The following ZNRF3 variants were observed in gnomAD, a reference collection of about 807,000 sequenced individuals.
ZNRF3 encodes zinc and ring finger 3, also known as E3 ubiquitin-protein ligase ZNRF3.
ZNRF3 carries 23 observed loss-of-function variants against 72.5 expected under a neutral mutation model. That is an observed-to-expected ratio of 0.32 (90% CI 0.23 to 0.45). ZNRF3 has a LOEUF of 0.45. ZNRF3 is among the 20% of genes least tolerant of loss of function. The pLI is 1.00. For synonymous variants in ZNRF3, 610 were observed against 545.3 expected, an observed-to-expected ratio of 1.12 and a Z score of -1.65; for missense variants, 1,169 against 1,272.1, an observed-to-expected ratio of 0.92 and a Z score of 1.23.
intron 1 of ZNRF3, among the ~76,000 whole-genome samples, chr22:28,899,220 C>T (rs896564872): frequency 3.3e-5 from 5 of 152,002 alleles, no homozygotes; most frequent in Admixed American, 2.6e-4. Flanking sequence ...TTAAATGTGC[C>T]GGGTGGGTGA....
intron 2 of ZNRF3, 106 bp from the exon 3 acceptor site, chr22:29,042,389 G>A (rs2123881014): frequency 1.2e-6 from 1 of 835,872 alleles, no homozygotes; most frequent in Non-Finnish European, 1.9e-6. Flanking sequence ...CACCTAAGTT[G>A]GTAACTGTCA....
chr22:28,992,996 G>A (rs2035984482), intron 2 of ZNRF3: 1 of 152,246 alleles, frequency 6.6e-6, no homozygotes, highest in African/African-American at 2.4e-5. Context: ...GAAGAAAAGG[G>A]AGCAAGATGT....
At chr22:28,985,447 C>G (rs2035840401) in intron 1 of ZNRF3, among the ~76,000 whole-genome samples, 1 of 152,240 alleles carries the variant, frequency 6.6e-6, no homozygotes, top group South Asian at 2.1e-4. Context: ...CGAGGCTCAG[C>G]AGCTGCGCAA....
intron 1 of ZNRF3, among the ~76,000 whole-genome samples, chr22:28,941,746 A>G (rs1045923090): frequency 1.3e-5 from 2 of 152,106 alleles, no homozygotes; most frequent in African/African-American, 4.8e-5. Flanking sequence ...GCCTGTCTCT[A>G]CTAAAAATAC....
chr22:28,942,609 C>A lies in ZNRF3; in HGVS notation c.301-44467C>A, dbSNP rs137883552. Among the ~76,000 whole-genome samples, 86 of 152,298 alleles carry A rather than the reference C, an allele frequency of 5.6e-4. No homozygotes were observed. The South Asian group carries it at 0.016, about 29-fold the overall frequency. ...GAGAGAGTGGAATTTGATTCTCTAGCGGTCTCTTACCCTGGAATCCTGTAT... is the reference window on the plus strand; with the variant it reads ...GAGAGAGTGGAATTTGATTCTCTAGAGGTCTCTTACCCTGGAATCCTGTAT... On this transcript the variant is annotated intron_variant, in intron 1 of 8. Coordinates refer to ENST00000544604, the MANE Select transcript of ZNRF3 (RefSeq NM_001206998.2).
chr22:28,897,909 G>A (rs1225842824), intron 1 of ZNRF3, among the ~76,000 whole-genome samples: 1 of 152,126 alleles, frequency 6.6e-6, no homozygotes, highest in Non-Finnish European at 1.5e-5. Flanking sequence ...GATGTGAAAG[G>A]GGTGTTAATG....
intron 2 of ZNRF3, among the ~76,000 whole-genome samples, chr22:28,991,186 G>A (rs906430544): frequency 1.3e-5 from 2 of 149,036 alleles, no homozygotes; most frequent in African/African-American, 5.0e-5. Context: ...GGAGGCTGAG[G>A]TGGGAGGATT....
At chr22:28,905,693 T>TG (rs1235740175) in intron 1 of ZNRF3, among the ~76,000 whole-genome samples, 2 of 152,214 alleles carry the variant, frequency 1.3e-5, no homozygotes, top group Admixed American at 6.5e-5. Context: ...GAAGATATCA[T>TG]GGCTTCTTCC....
intron 3 of ZNRF3, among the ~76,000 whole-genome samples, chr22:29,043,000 C>T (rs533777903): frequency 6.6e-6 from 1 of 152,024 alleles, no homozygotes; most frequent in Admixed American, 6.5e-5. Context: ...GTCTTGAACT[C>T]TTGACCTTGT....
chr22:28,953,837 C>T (rs1439819864), intron 1 of ZNRF3, among the ~76,000 whole-genome samples: 1 of 152,150 alleles, frequency 6.6e-6, no homozygotes, highest in Admixed American at 6.5e-5. Flanking sequence ...GGCCATGTAG[C>T]ATTGTGCTTC....
intron 8 of ZNRF3, among the ~76,000 whole-genome samples, chr22:29,051,645 G>A (rs1439833953): frequency 1.3e-5 from 2 of 148,780 alleles, no homozygotes; most frequent in Admixed American, 1.3e-4. Context: ...AGTGGCTCAT[G>A]CCTGTAATCC....
rs145517782 is a variant in ZNRF3, at chr22:28,959,425, A to C, written c.301-27651A>C. 1.6e-3 allele frequency among the ~76,000 whole-genome samples: 245 copies of C among 152,362 alleles called. 1 individual carries two copies. The highest frequency in any genetic ancestry group is 6.8e-3 in the Middle Eastern group (2 of 294). On this transcript the variant is annotated intron_variant, in intron 1 of 8. Transcript: ENST00000544604. Reference sequence around the variant, plus strand: ...ACCTCTTTCAAATAAGATTATGCCCATCTGTGGCTTAAGAAGTTACTCATT... The same window carrying C: ...ACCTCTTTCAAATAAGATTATGCCCCTCTGTGGCTTAAGAAGTTACTCATT...
rs759184314 is a variant in ZNRF3 at position 29,046,795 on chromosome 22, G to T, written c.824G>T (p.Arg275Leu). Residue 275 changes from arginine (R) to leucine (L), a missense_variant, in exon 6 of 9, where the codon CGG (arginine) becomes CTG (leucine). Arg to Leu is a moderately radical substitution (Grantham distance 102). This residue lies in a region of ZNRF3 where 386 missense variants were observed against 540.7 expected (regional missense o/e 0.71). Coordinates refer to ENST00000544604, the MANE Select transcript of ZNRF3 (RefSeq NM_001206998.2). ...RKFNSKSKGR[R>L]EGSCGALDTL... The stretch of plus-strand genomic sequence containing the variant: ...TTCAACTCCAAGAGCAAGGGGCGCC[G>T]GGAGGGGAGCTGTGGGGCCCTGGAC... The T allele has an allele frequency of 6.2e-7, 1 of 1,611,910 alleles. No homozygotes were observed. Among genetic ancestry groups the T allele is most frequent in the African/African-American group, 1.3e-5 (1 of 74,914 alleles).
intron 1 of ZNRF3, among the ~76,000 whole-genome samples, chr22:28,966,406 T>C (rs1484561964): frequency 1.3e-5 from 2 of 152,192 alleles, no homozygotes; most frequent in Non-Finnish European, 2.9e-5. Flanking sequence ...CTTCTACTTA[T>C]TAAAAAAGAA....
At chr22:28,967,079 A>T (rs546298002) in intron 1 of ZNRF3, among the ~76,000 whole-genome samples, 25 of 152,192 alleles carry the variant, frequency 1.6e-4, no homozygotes, top group South Asian at 4.2e-4. Flanking sequence ...ACGGGGTTTC[A>T]CCATGTTGGC....
At chr22:28,987,230 G>A (rs2035870682) in intron 2 of ZNRF3, 29 bp downstream of exon 2, 2 of 1,591,348 alleles carry the variant, frequency 1.3e-6, no homozygotes, top group Non-Finnish European at 1.7e-6. Context: ...GAATCACTGT[G>A]TTTCTGGTTG....
intron 1 of ZNRF3, among the ~76,000 whole-genome samples, chr22:28,884,474 C>T (rs200658485): frequency 5.3e-5 from 8 of 152,352 alleles, no homozygotes; most frequent in African/African-American, 1.9e-4. Flanking sequence ...CTTTTCCATC[C>T]ATGCATGTTC....
intron 1 of ZNRF3, among the ~76,000 whole-genome samples, chr22:28,941,997 C>G (rs934689890): frequency 6.6e-6 from 1 of 152,170 alleles, no homozygotes; most frequent in African/African-American, 2.4e-5. Flanking sequence ...CAAACACAAA[C>G]CAGACTGCAT....
At chr22:29,011,248 C>T (rs1467803515) in intron 2 of ZNRF3, among the ~76,000 whole-genome samples, 2 of 152,192 alleles carry the variant, frequency 1.3e-5, no homozygotes, top group Non-Finnish European at 2.9e-5. Context: ...GTTGTGAATA[C>T]AAAGAATGAT....
Sources: gnomAD v4.1 joint callset for allele counts (sites outside exome capture counted in the v4.1 genomes callset) on GRCh38, gnomAD v4.1.1 for gene constraint, gnomAD v4.1.1 regional missense constraint, MANE v1.5 for transcripts, NCBI Gene and HGNC (gene_info 2026-07-23, HGNC 2026-07-21) for gene names.